MGAT5: variants seen among roughly 807,000 people sequenced by gnomAD.
The protein encoded by MGAT5 is alpha-1,6-mannosylglycoprotein 6-beta-N-acetylglucosaminyltransferase.
MGAT5 carries 30 observed loss-of-function variants against 94.3 expected under a neutral mutation model. The observed-to-expected ratio is 0.32, with a 90% CI of 0.24 to 0.43. MGAT5 has a LOEUF of 0.43. Ranked by LOEUF, MGAT5 falls within the 20% of genes least tolerant of loss-of-function variation. The pLI, the probability that MGAT5 is intolerant of heterozygous loss-of-function variation, is 1.00. For synonymous variants in MGAT5, 310 were observed against 322.9 expected (o/e 0.96, Z 0.43); for missense variants, 691 against 905.5 (o/e 0.76, Z 3.04).
chr2:134,150,123 A>T (rs1389521687), intron 1 of MGAT5, among the ~76,000 whole-genome samples: 1 of 152,172 alleles, frequency 6.6e-6, no homozygotes, highest in East Asian at 1.9e-4. Context: ...ACCAGATAAC[A>T]GGCAGGGAGG....
At chr2:134,386,339 C>T (rs533825696) in intron 10 of MGAT5, among the ~76,000 whole-genome samples, 1 of 152,120 alleles carries the variant, frequency 6.6e-6, no homozygotes, top group East Asian at 1.9e-4. Flanking sequence ...TTAAAATTTC[C>T]GGTAGTCAGA....
intron 10 of MGAT5, among the ~76,000 whole-genome samples, chr2:134,388,145 A>G (rs185907166): frequency 1.4e-3 from 210 of 152,342 alleles, no homozygotes; most frequent in African/African-American, 4.9e-3. Context: ...GGACAATGAA[A>G]AAGAAAGTGT....
chr2:134,165,047 T>G (rs1687909204), intron 1 of MGAT5, among the ~76,000 whole-genome samples: 1 of 152,214 alleles, frequency 6.6e-6, no homozygotes, highest in African/African-American at 2.4e-5. Context: ...TAGAACTTTC[T>G]GTGGTGATGG....
chr2:134,333,673 G>T (rs1688146252), intron 4 of MGAT5, among the ~76,000 whole-genome samples: 1 of 152,118 alleles, frequency 6.6e-6, no homozygotes, highest in South Asian at 2.1e-4. Flanking sequence ...GGTTAAGCTT[G>T]TTAAAGGACC....
At chr2:134,419,616 A>G (rs957486606) in intron 12 of MGAT5, among the ~76,000 whole-genome samples, 3 of 147,006 alleles carry the variant, frequency 2.0e-5, no homozygotes, top group African/African-American at 5.1e-5. Context: ...TTGATATACA[A>G]TGAAGTATCT....
intron 10 of MGAT5, among the ~76,000 whole-genome samples, chr2:134,395,118 T>C (rs1448226424): frequency 6.6e-6 from 1 of 152,186 alleles, no homozygotes; most frequent in African/African-American, 2.4e-5. Flanking sequence ...CTGGTGGGCT[T>C]TGTTGCTTTA....
chr2:134,147,581 C>G (rs139614665), intron 1 of MGAT5, among the ~76,000 whole-genome samples: 2 of 142,894 alleles, frequency 1.4e-5, no homozygotes, highest in African/African-American at 2.8e-5. Flanking sequence ...CTTGAAGGAG[C>G]CTTACAGAGT....
At chr2:134,148,141 C>G (rs1298491969) in intron 1 of MGAT5, among the ~76,000 whole-genome samples, 1 of 152,172 alleles carries the variant, frequency 6.6e-6, no homozygotes, top group African/African-American at 2.4e-5. Flanking sequence ...TTATTTCATG[C>G]ATTTAAAAAT....
At chr2:134,307,985 T>G (rs1431070188) in intron 2 of MGAT5, among the ~76,000 whole-genome samples, 5 of 152,140 alleles carry the variant, frequency 3.3e-5, no homozygotes, top group African/African-American at 1.2e-4. Flanking sequence ...CAAGAAATGT[T>G]TAAATGTGCA....
intron 2 of MGAT5, among the ~76,000 whole-genome samples, chr2:134,309,214 T>A (rs867981387): frequency 1.2e-4 from 18 of 152,344 alleles, no homozygotes; most frequent in Middle Eastern, 3.4e-3. Context: ...ATTTGGTCTG[T>A]TAATTGGATG....
intron 1 of MGAT5, among the ~76,000 whole-genome samples, chr2:134,247,380 A>AAC (rs1553501135): frequency 1.3e-5 from 2 of 151,126 alleles, no homozygotes; most frequent in Non-Finnish European, 3.0e-5. Flanking sequence ...AAAAACAAAA[A>AAC]AAAAACGTAA....
At chr2:134,330,584 T>TGTGTGTGTGTGTGTGTGTGTGTG (rs1553447778) in intron 4 of MGAT5, among the ~76,000 whole-genome samples, 4 of 151,580 alleles carry the variant, frequency 2.6e-5, no homozygotes, top group African/African-American at 7.3e-5. Context: ...TGTGTGTGTG[T>TGTGTGTGTGTGTGTGTGTGTGTG]TACGAAGCCC....
intron 10 of MGAT5, among the ~76,000 whole-genome samples, chr2:134,399,394 T>G (rs1181727214): frequency 1.3e-5 from 2 of 152,244 alleles, no homozygotes; most frequent in Non-Finnish European, 2.9e-5. Context: ...CATAAACAGC[T>G]GAAGAGACAC....
chr2:134,207,139 T>C (rs1174138981), intron 1 of MGAT5, among the ~76,000 whole-genome samples: 1 of 152,156 alleles, frequency 6.6e-6, no homozygotes, highest in Non-Finnish European at 1.5e-5. Context: ...ACTCATGGCT[T>C]CTTATGTCTT....
chr2:134,425,482 T>C (rs1004819772), intron 13 of MGAT5, among the ~76,000 whole-genome samples: 1 of 152,078 alleles, frequency 6.6e-6, no homozygotes, highest in African/African-American at 2.4e-5. Flanking sequence ...TGATGGGAAG[T>C]TTTGAACAGG....
intron 10 of MGAT5, among the ~76,000 whole-genome samples, chr2:134,364,306 CCTGA>C (rs1266936840): frequency 6.6e-6 from 1 of 152,136 alleles, no homozygotes; most frequent in Non-Finnish European, 1.5e-5. Flanking sequence ...TTGCAACCAG[CCTGA>C]CTAACATGGT....
chr2:134,387,324 A>T (rs1158008795), intron 10 of MGAT5, among the ~76,000 whole-genome samples: 20 of 41,146 alleles, frequency 4.9e-4, no homozygotes, highest in East Asian at 3.4e-3. Context: ...ATATATATAT[A>T]TATATATATT....
chr2:134,446,814 C>T (rs937402688), intron 15 of MGAT5, among the ~76,000 whole-genome samples: 3 of 152,156 alleles, frequency 2.0e-5, no homozygotes, highest in African/African-American at 7.2e-5. Flanking sequence ...GTGCAGGAGG[C>T]GCCGCAGGCT....
chr2:134,356,721 T>C (rs912714112), intron 9 of MGAT5, among the ~76,000 whole-genome samples: 1 of 152,188 alleles, frequency 6.6e-6, no homozygotes, highest in African/African-American at 2.4e-5. Flanking sequence ...GGCTTTTTGC[T>C]CATTTCTCTC....
Sources: gnomAD v4.1 joint callset for allele counts (sites outside exome capture counted in the v4.1 genomes callset) on GRCh38, gnomAD v4.1.1 for gene constraint, MANE v1.5 for transcripts, NCBI Gene and HGNC (gene_info 2026-07-23, HGNC 2026-07-21) for gene names.